SDK1: variants seen among roughly 807,000 people sequenced by gnomAD.
SDK1 encodes protein sidekick-1.
A neutral mutation model predicts 245.5 loss-of-function variants in SDK1; 157 were observed. That is an observed-to-expected ratio of 0.64 (90% CI 0.56 to 0.73). The LOEUF (loss-of-function observed/expected upper bound fraction) is 0.73. SDK1 is among the 30% of genes least tolerant of loss of function. SDK1 has a pLI of 0.00. For missense variants in SDK1, 3,583 were observed against 3,002.3 expected, an observed-to-expected ratio of 1.19 and a Z score of -4.52; for synonymous variants, 1,647 against 1,278.5, an observed-to-expected ratio of 1.29 and a Z score of -6.15.
At chr7:3,721,904 T>G (rs572701891) in intron 4 of SDK1, among the ~76,000 whole-genome samples, 1 of 152,326 alleles carries the variant, frequency 6.6e-6, no homozygotes, top group African/African-American at 2.4e-5. Context: ...TGATTTTCTC[T>G]TCATTATTAA....
intron 4 of SDK1, among the ~76,000 whole-genome samples, chr7:3,804,848 G>T (rs1438044963): frequency 6.6e-6 from 1 of 152,164 alleles, no homozygotes; most frequent in African/African-American, 2.4e-5. Context: ...GCTTTCACGT[G>T]TTCATTGCTA....
intron 4 of SDK1, among the ~76,000 whole-genome samples, chr7:3,731,695 C>T (rs924424012): frequency 2.0e-5 from 3 of 152,140 alleles, no homozygotes; most frequent in Admixed American, 1.3e-4. Context: ...TATTCCAATA[C>T]AGCATGTTCA....
chr7:4,244,876 T>A (rs1370849003), intron 43 of SDK1, among the ~76,000 whole-genome samples: 1 of 152,186 alleles, frequency 6.6e-6, no homozygotes, highest in East Asian at 1.9e-4. Context: ...TGGAGGCCGC[T>A]CATGGTCCCC....
chr7:3,977,363 G>A (rs1398226068), intron 13 of SDK1, among the ~76,000 whole-genome samples: 1 of 118,936 alleles, frequency 8.4e-6, no homozygotes, highest in Non-Finnish European at 2.0e-5. Flanking sequence ...TCCCGGGGCT[G>A]AGGCTGCCAC....
At chr7:4,216,866 T>G (rs1784825517) in intron 38 of SDK1, among the ~76,000 whole-genome samples, 1 of 152,164 alleles carries the variant, frequency 6.6e-6, no homozygotes, top group African/African-American at 2.4e-5. Flanking sequence ...CAGTCGTGGC[T>G]CATCCTGTGT....
At chr7:3,564,484 CA>C (rs201085467) in intron 1 of SDK1, among the ~76,000 whole-genome samples, 2 of 149,418 alleles carry the variant, frequency 1.3e-5, no homozygotes, top group Admixed American at 6.7e-5. Context: ...GGGAGACTCT[CA>C]AAAAAAAATT....
At chr7:3,996,462 G>A (rs1391335659) in intron 14 of SDK1, among the ~76,000 whole-genome samples, 2 of 152,160 alleles carry the variant, frequency 1.3e-5, no homozygotes, top group African/African-American at 4.8e-5. Flanking sequence ...TTTATGAGAA[G>A]TGACTTCTTA....
chr7:3,737,435 C>T lies in SDK1; in HGVS notation c.714-84015C>T, dbSNP rs914410047. On this transcript the variant is annotated intron_variant, in intron 4 of 44. Coordinates refer to ENST00000404826, the MANE Select transcript of SDK1 (RefSeq NM_152744.4). ...CTGGCTGATTTCAGGCTATGCTGCT[C>T]TGCTAGGTGGGGCTTGGCTTTCTGC... is the stretch of plus-strand genomic sequence containing the variant. 3.9e-5 allele frequency among the ~76,000 whole-genome samples: 6 copies of T among 152,206 alleles called. No homozygotes were observed. In the East Asian group the frequency reaches 9.6e-4, roughly 24 times the overall value.
chr7:3,724,115 C>T (rs952531857), intron 4 of SDK1, among the ~76,000 whole-genome samples: 6 of 151,944 alleles, frequency 3.9e-5, no homozygotes, highest in African/African-American at 1.4e-4. Context: ...AGGCGTGTGC[C>T]ACCATGCTCA....
intron 22 of SDK1, among the ~76,000 whole-genome samples, chr7:4,083,439 G>T (rs1399561437): frequency 6.6e-6 from 1 of 151,754 alleles, no homozygotes; most frequent in Non-Finnish European, 1.5e-5. Context: ...TTACATCCTT[G>T]TGGGGTCACT....
chr7:3,779,139 T>G (rs1780650212), intron 4 of SDK1, among the ~76,000 whole-genome samples: 1 of 152,214 alleles, frequency 6.6e-6, no homozygotes, highest in Non-Finnish European at 1.5e-5. Context: ...TTTAAATTGA[T>G]TGATGTGAAA....
chr7:3,468,953 A>G (rs531540204), intron 1 of SDK1, among the ~76,000 whole-genome samples: 45 of 152,302 alleles, frequency 3.0e-4, no homozygotes, highest in Admixed American at 1.3e-4. Context: ...TTTTAACACA[A>G]TTTAGGTATT....
At chr7:3,992,327 C>T (rs1021208434) in intron 14 of SDK1, among the ~76,000 whole-genome samples, 1 of 152,204 alleles carries the variant, frequency 6.6e-6, no homozygotes, top group Non-Finnish European at 1.5e-5. Flanking sequence ...CCTCTGCAGG[C>T]ATGCCAGGGT....
intron 1 of SDK1, among the ~76,000 whole-genome samples, chr7:3,536,257 G>A (rs955304605): frequency 2.0e-5 from 3 of 151,390 alleles, no homozygotes; most frequent in Non-Finnish European, 4.4e-5. Context: ...TACTAGAGAC[G>A]GGGTTGCACC....
intron 4 of SDK1, among the ~76,000 whole-genome samples, chr7:3,675,535 A>G (rs1783865181): frequency 6.7e-6 from 1 of 148,594 alleles, no homozygotes; most frequent in Non-Finnish European, 1.5e-5. Flanking sequence ...GCTCCCCATT[A>G]CCTTTCTTCC....
At chr7:3,430,865 G>C (rs932369994) in intron 1 of SDK1, among the ~76,000 whole-genome samples, 3 of 152,156 alleles carry the variant, frequency 2.0e-5, no homozygotes, top group African/African-American at 7.2e-5. Context: ...CTTGTATTCA[G>C]CTTTCCTGCC....
chr7:3,403,697 G>T (rs982709695), intron 1 of SDK1, among the ~76,000 whole-genome samples: 13 of 150,884 alleles, frequency 8.6e-5, no homozygotes, highest in Non-Finnish European at 1.8e-4. Context: ...CTACCTAAGA[G>T]AATAGTCTAT....
intron 1 of SDK1, among the ~76,000 whole-genome samples, chr7:3,512,809 G>GT (rs1464176139): frequency 3.3e-5 from 5 of 151,610 alleles, no homozygotes; most frequent in East Asian, 1.9e-4. Flanking sequence ...TATTCCATCT[G>GT]TTTTTTTTCC....
At chr7:3,808,595 C>T (rs974591115) in intron 4 of SDK1, among the ~76,000 whole-genome samples, 3 of 152,144 alleles carry the variant, frequency 2.0e-5, no homozygotes, top group African/African-American at 7.2e-5. Context: ...AGTAAGCCCT[C>T]CTGAAAGCTC....
Sources: gnomAD v4.1 joint callset for allele counts (sites outside exome capture counted in the v4.1 genomes callset) on GRCh38, gnomAD v4.1.1 for gene constraint, MANE v1.5 for transcripts, NCBI Gene and HGNC (gene_info 2026-07-23, HGNC 2026-07-21) for gene names.